ZFHX3: variants seen among roughly 807,000 people sequenced by gnomAD.
ZFHX3 encodes the protein zinc finger homeobox protein 3.
A neutral mutation model predicts 279.1 loss-of-function variants in ZFHX3; 42 were observed. The ratio of observed to expected loss-of-function variants is 0.15; its 90% confidence interval spans 0.12 to 0.19. ZFHX3 has a LOEUF of 0.19. ZFHX3 is among the 10% of genes least tolerant of loss of function. The probability of loss-of-function intolerance (pLI) is 1.00; values close to 1 mark genes in which losing one functional copy is unlikely to be tolerated. For missense variants in ZFHX3, 4,981 were observed against 4,754.0 expected (o/e 1.05, Z -1.40); for synonymous variants, 2,293 against 1,957.8 (o/e 1.17, Z -4.52).
At chr16:73,480,291 C>T (rs2018841952) in intron 2 of ZFHX3, among the ~76,000 whole-genome samples, 1 of 152,026 alleles carries the variant, frequency 6.6e-6, no homozygotes, top group Non-Finnish European at 1.5e-5. Flanking sequence ...GCTCCGATTC[C>T]TAAAAGGTTT....
intron 1 of ZFHX3, among the ~76,000 whole-genome samples, chr16:73,057,670 C>T (rs1461862789): frequency 6.6e-6 from 1 of 151,770 alleles, no homozygotes; most frequent in African/African-American, 2.4e-5. Context: ...CAGCCCCGAG[C>T]CCCCGGGAGC....
intron 4 of ZFHX3, among the ~76,000 whole-genome samples, chr16:73,291,509 T>C (rs1394691013): frequency 1.3e-5 from 2 of 152,172 alleles, no homozygotes; most frequent in South Asian, 2.1e-4. Context: ...AGACAAACAC[T>C]AATTTTTACA....
chr16:73,759,646 C>T (rs2053843275), intron 1 of ZFHX3, among the ~76,000 whole-genome samples: 2 of 152,142 alleles, frequency 1.3e-5, no homozygotes, highest in South Asian at 4.1e-4. Context: ...TCATTCAAGT[C>T]TTCTAAATTC....
intron 2 of ZFHX3, among the ~76,000 whole-genome samples, chr16:73,567,166 A>G (rs1054763049): frequency 3.9e-5 from 6 of 152,188 alleles, no homozygotes; most frequent in African/African-American, 1.4e-4. Flanking sequence ...TTTTTTAATA[A>G]GAACACTAGT....
At chr16:73,613,432 C>T in intron 2 of ZFHX3, among the ~76,000 whole-genome samples, 1 of 97,974 alleles carries the variant, frequency 1.0e-5, no homozygotes, top group South Asian at 3.7e-4. Flanking sequence ...TTGTTCTTAG[C>T]TTTTGCTTTT....
chr16:73,140,816 C>A (rs929326360), intron 6 of ZFHX3, among the ~76,000 whole-genome samples: 2 of 152,288 alleles, frequency 1.3e-5, no homozygotes, highest in Admixed American at 1.3e-4. Flanking sequence ...TGTGCCACTG[C>A]ACTCCAGCCT....
chr16:73,390,901 G>A (rs572164856), intron 3 of ZFHX3, among the ~76,000 whole-genome samples: 13 of 152,054 alleles, frequency 8.5e-5, no homozygotes, highest in South Asian at 4.2e-4. Flanking sequence ...GTCTCATTCC[G>A]TGGTAATGAG....
At chr16:73,237,387 A>T (rs2012983354) in intron 5 of ZFHX3, among the ~76,000 whole-genome samples, 3 of 152,128 alleles carry the variant, frequency 2.0e-5, no homozygotes, top group Non-Finnish European at 4.4e-5. Context: ...CTGGGACTAC[A>T]GGTGCACACC....
At chr16:73,063,948 C>T (rs1210869856), upstream of ZFHX3, among the ~76,000 whole-genome samples, 3 of 152,058 alleles carry the variant, frequency 2.0e-5, no homozygotes, top group African/African-American at 7.2e-5. Context: ...GTCCGGCCCG[C>T]CAGGTTGAGG....
At chr16:73,540,836 C>T (rs1177887652) in intron 2 of ZFHX3, among the ~76,000 whole-genome samples, 2 of 152,160 alleles carry the variant, frequency 1.3e-5, no homozygotes, top group Admixed American at 1.3e-4. Context: ...TGTCAGAGGC[C>T]TCTGAGGACA....
chr16:72,833,533 A>G (rs899802705), intron 4 of ZFHX3, among the ~76,000 whole-genome samples: 9 of 152,236 alleles, frequency 5.9e-5, no homozygotes, highest in East Asian at 1.9e-4. Context: ...ACCAAGACAC[A>G]TAACAGCCAC....
intron 8 of ZFHX3, 90 bp downstream of exon 8, chr16:72,799,936 AT>A: frequency 8.8e-7 from 1 of 1,137,010 alleles, no homozygotes; most frequent in Non-Finnish European, 1.3e-6. Context: ...CCTTAAGAGT[AT>A]TGTAAAGAAT....
chr16:73,023,992 G>T (rs931195412), intron 1 of ZFHX3, among the ~76,000 whole-genome samples: 2 of 152,158 alleles, frequency 1.3e-5, no homozygotes, highest in Non-Finnish European at 2.9e-5. Context: ...AGAGAAGGAC[G>T]TCCTGGAAAC....
chr16:72,787,714 C>CAG lies in ZFHX3; in HGVS notation c.10561_10562insCT (p.Gly3521AlafsTer25). ...GTACGAGCCGCCGCCGCCGCCGCCG[C>CAG]CGCCACCGCCGCCGCCGCCGCCACT... On this transcript the variant is annotated frameshift_variant, in exon 10 of 10. Coordinates refer to ENST00000268489, the MANE Select transcript of ZFHX3 (RefSeq NM_006885.4). LOFTEE classifies it high-confidence loss of function. 8 of 1,379,078 alleles carry CAG rather than the reference C, an allele frequency of 5.8e-6. No individual in the cohort carries two copies. The highest frequency in any genetic ancestry group is 7.6e-6 in the Non-Finnish European group (8 of 1,055,928). 85.4% of individuals were successfully genotyped at this position (1,379,078 alleles called of 1,614,324 possible). A position where few individuals can be genotyped will look rare whatever the true frequency, so the allele number is the denominator to read the frequency against.
chr16:73,303,004 G>A (rs183482961), intron 4 of ZFHX3, among the ~76,000 whole-genome samples: 2 of 151,938 alleles, frequency 1.3e-5, no homozygotes, highest in Non-Finnish European at 2.9e-5. Context: ...AAATGGGCAG[G>A]ATTCTGAAAC....
chr16:73,391,225 C>T lies in ZFHX3; in HGVS notation c.-1291+64778G>A, dbSNP rs1312518624. Among the ~76,000 whole-genome samples, 4 of 152,222 alleles carry T rather than the reference C, an allele frequency of 2.6e-5. No individual in the cohort carries two copies. In the South Asian group the frequency reaches 8.3e-4, roughly 32 times the overall value. On this transcript the variant is annotated intron_variant, in intron 3 of 17. Coordinates refer to the ZFHX3 transcript ENST00000641206. ...ACGCGGTGGCTCATGCCTGTAATTC[C>T]AGCACTTTGGGAGGCCAAGGCATGC...
intron 3 of ZFHX3, among the ~76,000 whole-genome samples, chr16:73,433,520 C>T (rs1329106299): frequency 1.3e-5 from 2 of 152,102 alleles, no homozygotes; most frequent in Non-Finnish European, 1.5e-5. Flanking sequence ...TTTTCAAATC[C>T]ACTTGATAAG....
At chr16:72,977,821 GAGAAGAAAAAGGGGA>G (rs1227552785) in intron 1 of ZFHX3, among the ~76,000 whole-genome samples, 1 of 151,952 alleles carries the variant, frequency 6.6e-6, no homozygotes, top group Admixed American at 6.5e-5. Flanking sequence ...CAGGGGAAGT[GAGAAGAAAAAGGGGA>G]AGAAGAAAAG....
At chr16:73,475,833 C>T (rs2018756757) in intron 2 of ZFHX3, among the ~76,000 whole-genome samples, 2 of 151,906 alleles carry the variant, frequency 1.3e-5, no homozygotes, top group African/African-American at 4.8e-5. Flanking sequence ...GTCTTTTTAC[C>T]TCCCAAGCAC....
Sources: gnomAD v4.1 joint callset for allele counts (sites outside exome capture counted in the v4.1 genomes callset) on GRCh38, gnomAD v4.1.1 for gene constraint, MANE v1.5 for transcripts, NCBI Gene and HGNC (gene_info 2026-07-23, HGNC 2026-07-21) for gene names.